Variants in PDE10A observed in about 807,000 individuals in gnomAD.
The protein encoded by PDE10A is phosphodiesterase 10A, also known as cAMP and cAMP-inhibited cGMP 3',5'-cyclic phosphodiesterase 10A.
Under a neutral mutation model 97.7 loss-of-function variants are expected in PDE10A, and 39 were observed. The observed-to-expected ratio is 0.40, with a 90% CI of 0.31 to 0.52. PDE10A has a LOEUF of 0.52. Among genes scored for constraint, PDE10A ranks in the 20% least tolerant of loss-of-function variants. The pLI is 0.56. For missense variants in PDE10A, 731 were observed against 1,047.8 expected (o/e 0.70, Z 4.17); for synonymous variants, 371 against 376.8 (o/e 0.98, Z 0.18).
chr6:165,883,548 AAAAAAT>A (rs1562781388), intron 1 of PDE10A, among the ~76,000 whole-genome samples: 2 of 74,236 alleles, frequency 2.7e-5, no homozygotes, highest in African/African-American at 1.1e-4. Flanking sequence ...TCAAAAAAAA[AAAAAAT>A]AAATAAAAAT....
At chr6:165,792,966 G>A (rs1286240176) in intron 1 of PDE10A, among the ~76,000 whole-genome samples, 2 of 152,152 alleles carry the variant, frequency 1.3e-5, no homozygotes, top group African/African-American at 4.8e-5. Flanking sequence ...TGGTGCTGGG[G>A]TGGGGGGTGG....
intron 1 of PDE10A, among the ~76,000 whole-genome samples, chr6:165,929,780 G>C (rs1783065982): frequency 6.6e-6 from 1 of 152,232 alleles, no homozygotes; most frequent in Non-Finnish European, 1.5e-5. Flanking sequence ...CCATCACCTA[G>C]CACCGGGCTG....
At chr6:165,442,300 C>A (rs982357482) in intron 5 of PDE10A, among the ~76,000 whole-genome samples, 8 of 152,098 alleles carry the variant, frequency 5.3e-5, no homozygotes, top group South Asian at 4.2e-4. Flanking sequence ...CCGCTCCCCC[C>A]ACCCCACAAC....
intron 10 of PDE10A, among the ~76,000 whole-genome samples, chr6:165,421,586 C>T (rs1017953441): frequency 2.6e-5 from 4 of 152,146 alleles, no homozygotes; most frequent in East Asian, 1.9e-4. Context: ...ATAACAAAAT[C>T]GCTGCCTTAA....
At chr6:165,956,936 G>C (rs1784150759) in intron 1 of PDE10A, among the ~76,000 whole-genome samples, 1 of 152,220 alleles carries the variant, frequency 6.6e-6, no homozygotes, top group African/African-American at 2.4e-5. Context: ...GCATTTGAAG[G>C]AGTGGGGCCA....
intron 1 of PDE10A, among the ~76,000 whole-genome samples, chr6:165,600,532 A>G (rs1786884446): frequency 6.6e-6 from 1 of 152,212 alleles, no homozygotes; most frequent in Non-Finnish European, 1.5e-5. Context: ...CGTCCAGGGT[A>G]GCATATATTT....
At chr6:165,485,243 G>A (rs117979868) in intron 2 of PDE10A, among the ~76,000 whole-genome samples, 9,191 of 151,962 alleles carry the variant, frequency 0.06, 475 homozygotes, top group East Asian at 0.24. Context: ...AGGCCGAGGC[G>A]GATGGATCAC....
chr6:165,342,531 A>T (rs1156325606), intron 19 of PDE10A, among the ~76,000 whole-genome samples: 13 of 152,272 alleles, frequency 8.5e-5, no homozygotes, highest in Non-Finnish European at 1.5e-5. Context: ...ATAATTCAAC[A>T]TGATAAACCT....
At chr6:165,820,008 A>T (rs927319313) in intron 1 of PDE10A, among the ~76,000 whole-genome samples, 3 of 152,262 alleles carry the variant, frequency 2.0e-5, no homozygotes, top group Non-Finnish European at 4.4e-5. Flanking sequence ...AGAAAATTTT[A>T]AAAATGAAAT....
chr6:165,825,995 T>C (rs760893366), intron 1 of PDE10A, among the ~76,000 whole-genome samples: 5 of 152,152 alleles, frequency 3.3e-5, no homozygotes, highest in Non-Finnish European at 7.4e-5. Flanking sequence ...AAAAGAAGCA[T>C]TCCAAAAAGT....
intron 15 of PDE10A, among the ~76,000 whole-genome samples, chr6:165,393,265 T>C (rs1310786987): frequency 1.3e-5 from 2 of 152,194 alleles, no homozygotes; most frequent in Non-Finnish European, 2.9e-5. Context: ...TACTATACTT[T>C]CAAAGTAATT....
At chr6:165,430,606 A>AACATCTTAACAT (rs35445883) in intron 8 of PDE10A, among the ~76,000 whole-genome samples, 27,279 of 152,098 alleles carry the variant, frequency 0.18, 2,827 homozygotes, top group East Asian at 0.27. Flanking sequence ...ATGGACTTAT[A>AACATCTTAACAT]AAGATGTTAA....
intron 18 of PDE10A, among the ~76,000 whole-genome samples, chr6:165,374,400 A>G (rs1332618218): frequency 1.3e-5 from 2 of 152,046 alleles, no homozygotes; most frequent in East Asian, 3.8e-4. Flanking sequence ...ATGTAAAGAA[A>G]TATGTGTAAT....
chr6:165,755,654 G>T (rs73030250), intron 1 of PDE10A, among the ~76,000 whole-genome samples: 21,404 of 152,140 alleles, frequency 0.14, 2,331 homozygotes, highest in African/African-American at 0.3. Flanking sequence ...ACTGCAAAGG[G>T]AAAGAATTAC....
At chr6:165,343,591 T>A in intron 18 of PDE10A, 89 bp from the exon 19 acceptor site, 1 of 896,078 alleles carries the variant, frequency 1.1e-6, no homozygotes, top group East Asian at 2.5e-5. Flanking sequence ...AGGAGTGAAG[T>A]TTAAGTATGT....
intron 1 of PDE10A, among the ~76,000 whole-genome samples, chr6:165,651,629 T>C (rs1421777006): frequency 2.0e-5 from 3 of 152,220 alleles, no homozygotes; most frequent in Non-Finnish European, 4.4e-5. Context: ...TTGTGTTTTT[T>C]GAATGTGGAT....
At chr6:165,763,093 T>G (rs1013807067) in intron 1 of PDE10A, among the ~76,000 whole-genome samples, 3 of 152,240 alleles carry the variant, frequency 2.0e-5, no homozygotes, top group Non-Finnish European at 4.4e-5. Context: ...CTTATAAGAC[T>G]GCAGCTGGAG....
chr6:165,903,297 G>T (rs560496642), intron 1 of PDE10A, among the ~76,000 whole-genome samples: 2 of 152,308 alleles, frequency 1.3e-5, no homozygotes, highest in East Asian at 3.9e-4. Context: ...TGACTACACT[G>T]CAGTGGAACA....
At chr6:165,530,281 G>T (rs201607492) in intron 2 of PDE10A, among the ~76,000 whole-genome samples, 1 of 23,546 alleles carries the variant, frequency 4.2e-5, no homozygotes, top group African/African-American at 5.3e-5. Context: ...GTGTGTGTGT[G>T]TGTGTGTGTG....
Sources: gnomAD v4.1 joint callset for allele counts (sites outside exome capture counted in the v4.1 genomes callset) on GRCh38, gnomAD v4.1.1 for gene constraint, MANE v1.5 for transcripts, NCBI Gene and HGNC (gene_info 2026-07-23, HGNC 2026-07-21) for gene names.